LRP2: variants seen among roughly 807,000 people sequenced by gnomAD.
LRP2 encodes the protein low-density lipoprotein receptor-related protein 2.
In LRP2, 172 loss-of-function variants were observed where a neutral mutation model predicts 531.0. The observed-to-expected ratio is 0.32, with a 90% CI of 0.29 to 0.37. LRP2 has a LOEUF of 0.37. LRP2 is among the 10% of genes least tolerant of loss of function. The pLI is 1.00. For synonymous variants in LRP2, 1,992 were observed against 2,027.6 expected, an observed-to-expected ratio of 0.98 and a Z score of 0.47; for missense variants, 5,167 against 5,868.3, an observed-to-expected ratio of 0.88 and a Z score of 3.90.
intron 1 of LRP2, among the ~76,000 whole-genome samples, chr2:169,325,467 G>A (rs142222526): frequency 3.9e-4 from 59 of 152,216 alleles, no homozygotes; most frequent in Middle Eastern, 3.4e-3. Context: ...CTTTGGTATG[G>A]ATAGACATCC....
chr2:169,211,893 A>G (rs1688606767), intron 37 of LRP2, 75 bp downstream of exon 37: 1 of 1,584,880 alleles, frequency 6.3e-7, no homozygotes. Context: ...ACATGAAGAA[A>G]TGTTTTCATG....
In LRP2 at chr2:169,207,051, G is replaced by A; in HGVS notation, c.6669C>T (p.Thr2223=). 1.2e-6 allele frequency: 2 copies of A among 1,614,140 alleles called. No individual in the cohort carries two copies. The highest frequency in any genetic ancestry group is 1.7e-6 in the Non-Finnish European group (2 of 1,180,006). The change falls in exon 39 of 79, where the codon ACC becomes ACT. Residue 2223 remains threonine, a synonymous_variant. Transcript: ENST00000649046. ...CCTCTGACACAAGCACTGTTCGATT[G>A]GTACAGTCAAGGAAAGAACGCTCAA... ...PKIERSFLDC[T]NRTVLVSEGI... is the part of the protein sequence containing the mutation.
At chr2:169,218,439 G>C (rs1302605442) in intron 34 of LRP2, among the ~76,000 whole-genome samples, 1 of 151,976 alleles carries the variant, frequency 6.6e-6, no homozygotes, top group Non-Finnish European at 1.5e-5. Flanking sequence ...AATTTTTTTA[G>C]CCTCTCTTGT....
At position 169,146,739 on chromosome 2, in the gene LRP2, C is replaced by T; in HGVS notation, c.12811G>A (p.Ala4271Thr). ...TATTACTTTCTAACTAATTTCTAACCTTCCTTTGCAATGACTCTCCTATCA... is the reference window on the plus strand; with the variant it reads ...TATTACTTTCTAACTAATTTCTAACTTTCCTTTGCAATGACTCTCCTATCA... ...GTDRRVIAKE[A>T]MNPYSLDIFE... Residue 4271 changes from alanine (A) to threonine (T), a missense_variant and splice_region_variant, in exon 69 of 79, where the codon GCA becomes ACA. By Grantham distance (58) the Ala-to-Thr change is moderately conservative (BLOSUM62 0). Coordinates refer to ENST00000649046, the MANE Select transcript of LRP2 (RefSeq NM_004525.3). The T allele has an allele frequency of 6.2e-7, 1 of 1,607,808 alleles. No individual in the cohort carries two copies. The highest frequency in any genetic ancestry group is 8.5e-7 in the Non-Finnish European group (1 of 1,174,334).
intron 34 of LRP2, among the ~76,000 whole-genome samples, chr2:169,219,664 C>A (rs545587457): frequency 2.0e-5 from 3 of 152,218 alleles, no homozygotes; most frequent in South Asian, 4.1e-4. Context: ...CACATGGGAA[C>A]AACAGACACT....
At position 169,147,422 on chromosome 2, in the gene LRP2, C is replaced by T. The variant is rs116658877; in HGVS notation, c.12591-463G>A. Among the ~76,000 whole-genome samples the T allele has an allele frequency of 5.9e-3, 897 of 152,224 alleles. 5 individuals carry two copies. The highest frequency in any genetic ancestry group is 0.021 in the African/African-American group (852 of 41,548). ...ACTACACTCCTGGGCTCAAGCGATC[C>T]TCTCATCTCAGCCTCCTGAGTAGCT... On this transcript the variant is annotated intron_variant, in intron 68 of 78. Coordinates refer to ENST00000649046, the MANE Select transcript of LRP2 (RefSeq NM_004525.3).
intron 15 of LRP2, among the ~76,000 whole-genome samples, chr2:169,271,925 G>A (rs1016104131): frequency 2.0e-5 from 3 of 152,106 alleles, no homozygotes; most frequent in Non-Finnish European, 4.4e-5. Context: ...CAGGATGCCA[G>A]GGAGTCAAGA....
intron 55 of LRP2, 45 bp downstream of exon 55, chr2:169,175,148 T>C (rs1203760694): frequency 2.5e-6 from 4 of 1,575,416 alleles, no homozygotes; most frequent in Non-Finnish European, 3.5e-6. Context: ...TCGTATACAA[T>C]CAACATAGAA....
At position 169,362,333 on chromosome 2, in the gene LRP2, C is replaced by T. The variant is rs766070722; in HGVS notation, c.67G>A (p.Ala23Thr). Residue 23 changes from alanine to threonine, a missense_variant, in exon 1 of 79, where the codon GCC (alanine) becomes ACC (threonine). This residue lies in a region of LRP2 where 2,811 missense variants were observed against 3,058.0 expected (regional missense o/e 0.92). Transcript: ENST00000649046. Reference protein sequence around the residue: ...LLALVACLAPASGQECDSAHF... With the variant: ...LLALVACLAPTSGQECDSAHF... The stretch of plus-strand genomic sequence containing the variant: ...GCTGGGCTCTTACCTTGGCCACTGG[C>T]CGGCGCTAGGCAGGCGACGAGAGCC... 6.4e-7 allele frequency: 1 copy of T among 1,563,014 alleles called. No homozygotes were observed. Among genetic ancestry groups the T allele is most frequent in the African/African-American group, 1.4e-5 (1 of 73,718 alleles).
chr2:169,302,167 TC>T (rs35629202), intron 4 of LRP2, among the ~76,000 whole-genome samples: 36,135 of 152,036 alleles, frequency 0.24, 4,609 homozygotes, highest in African/African-American at 0.33. Flanking sequence ...TGGCTAAGCC[TC>T]ATTTAATCTT....
chr2:169,349,693 G>A (rs1348356507), intron 1 of LRP2, among the ~76,000 whole-genome samples: 2 of 152,188 alleles, frequency 1.3e-5, no homozygotes, highest in African/African-American at 4.8e-5. Flanking sequence ...GCCACATCCA[G>A]TGATTAAGCA....
rs545239223 is a variant in LRP2, at chr2:169,206,666, C to A, written c.7054G>T (p.Gly2352Trp). ...AGAGCAAAGCAGAGATGAGAGCACC[C>A]ACCATTGTTTTCCAAGCAAGGGTTG... ...NNNPCLENNG[G>W]CSHLCFALPG... The change falls in exon 39 of 79, where the codon GGG becomes TGG. Residue 2352 changes from glycine (G) to tryptophan (W), a missense_variant. By Grantham distance (184) the Gly-to-Trp change is radical. This residue lies in a region of LRP2 where 2,811 missense variants were observed against 3,058.0 expected (regional missense o/e 0.92). Coordinates refer to ENST00000649046, the MANE Select transcript of LRP2 (RefSeq NM_004525.3). 1 of 1,614,116 alleles carries A rather than the reference C, an allele frequency of 6.2e-7. No individual in the cohort carries two copies. The highest frequency in any genetic ancestry group is 1.1e-5 in the South Asian group (1 of 91,068).
At chr2:169,195,349 A>G (rs1002025194) in intron 46 of LRP2, among the ~76,000 whole-genome samples, 26 of 152,232 alleles carry the variant, frequency 1.7e-4, no homozygotes, top group African/African-American at 6.3e-4. Flanking sequence ...CAAGATATAT[A>G]AAAGTAAAGT....
intron 1 of LRP2, among the ~76,000 whole-genome samples, chr2:169,338,274 A>G (rs1385409650): frequency 3.9e-5 from 5 of 129,484 alleles, no homozygotes; most frequent in African/African-American, 1.7e-4. Context: ...AGAAAGAAAG[A>G]GAAAGAAAGA....
chr2:169,216,385 G>T lies in LRP2; in HGVS notation c.5694C>A (p.Ala1898=). The T allele has an allele frequency of 6.2e-7, 1 of 1,613,572 alleles. No individual in the cohort carries two copies. The highest frequency in any genetic ancestry group is 1.1e-5 in the South Asian group (1 of 91,068). The change falls in exon 35 of 79, where the codon GCC becomes GCA. Residue 1898 remains alanine (A), a synonymous_variant. Transcript: ENST00000649046. The part of the protein sequence containing the change: ...SDQGTDSGVP[A]KIASANMDGT... ...CATCCATGTTAGCACTGGCGATCTT[G>T]GCAGGAACCCCACTGTCAGTTCCTT...
intron 16 of LRP2, among the ~76,000 whole-genome samples, chr2:169,269,278 A>T (rs1164321358): frequency 1.3e-5 from 2 of 152,208 alleles, no homozygotes; most frequent in African/African-American, 4.8e-5. Context: ...GGAACCAAAA[A>T]AGAGCCTGCA....
intron 29 of LRP2, among the ~76,000 whole-genome samples, chr2:169,233,972 C>T (rs1689508565): frequency 6.6e-6 from 1 of 152,162 alleles, no homozygotes; most frequent in Non-Finnish European, 1.5e-5. Flanking sequence ...ACGCCCCAGC[C>T]TTCACTCCAC....
At chr2:169,318,627 G>C (rs915572911) in intron 3 of LRP2, 135 bp downstream of exon 3, 7 of 1,211,622 alleles carry the variant, frequency 5.8e-6, no homozygotes, top group Non-Finnish European at 2.4e-6. Flanking sequence ...TGAGATTGCT[G>C]GCATAGGTTC....
At chr2:169,361,658 G>A (rs1686168355) in intron 1 of LRP2, among the ~76,000 whole-genome samples, 1 of 152,118 alleles carries the variant, frequency 6.6e-6, no homozygotes, top group African/African-American at 2.4e-5. Flanking sequence ...TGGCCATGCA[G>A]ACGGGCCCCA....
Sources: allele counts gnomAD v4.1 joint callset (sites outside exome capture counted in the v4.1 genomes callset), GRCh38; gene constraint gnomAD v4.1.1; regional missense constraint gnomAD v4.1.1; transcripts MANE v1.5; gene names NCBI Gene and HGNC (gene_info 2026-07-23, HGNC 2026-07-21).